The following FIG4 variants were observed in gnomAD, a reference collection of about 807,000 sequenced individuals.
The protein encoded by FIG4 is polyphosphoinositide phosphatase.
A neutral mutation model predicts 118.6 loss-of-function variants in FIG4; 112 were observed. That is an observed-to-expected ratio of 0.94 (90% CI 0.81 to 1.11). FIG4 has a LOEUF of 1.11. Ranked by LOEUF, FIG4 falls within the 50% of genes least tolerant of loss-of-function variation. The pLI is 0.00. For missense variants in FIG4, 969 were observed against 1,111.7 expected (o/e 0.87, Z 1.83); for synonymous variants, 369 against 381.2 (o/e 0.97, Z 0.37).
chr6:109,773,450 G>T (rs1777525271), intron 15 of FIG4, among the ~76,000 whole-genome samples: 1 of 152,078 alleles, frequency 6.6e-6, no homozygotes. Context: ...TTCTCTACTT[G>T]TTTTTTCTAC....
At chr6:109,692,529 A>G (rs954046651) in intron 1 of FIG4, among the ~76,000 whole-genome samples, 1 of 152,164 alleles carries the variant, frequency 6.6e-6, no homozygotes, top group Admixed American at 6.6e-5. Context: ...TTTTGCTGAC[A>G]ACTTTGATTA....
chr6:109,751,738 T>C (rs1376818403), intron 10 of FIG4, among the ~76,000 whole-genome samples: 1 of 151,998 alleles, frequency 6.6e-6, no homozygotes, highest in African/African-American at 2.4e-5. Flanking sequence ...GTATTTTGTA[T>C]TTCTGTGGGA....
intron 1 of FIG4, 88 bp downstream of exon 1, chr6:109,691,589 C>T (rs896832398): frequency 2.6e-6 from 3 of 1,140,928 alleles, no homozygotes; most frequent in East Asian, 2.6e-5. Flanking sequence ...TGTACTCTGC[C>T]TCCTCCTCCT....
intron 10 of FIG4, among the ~76,000 whole-genome samples, chr6:109,746,595 A>G (rs1776506563): frequency 6.6e-6 from 1 of 152,076 alleles, no homozygotes; most frequent in Admixed American, 6.6e-5. Context: ...TTGTTTTGAG[A>G]TGAGGCTAAA....
chr6:109,792,591 C>T lies in FIG4; in HGVS notation c.2386C>T (p.Gln796Ter), dbSNP rs1554309093. Reference protein sequence around the residue: ...DSAKVTENVVQPMKELYGINL... With the variant: ...DSAKVTENVV Reference sequence around the variant, plus strand: ...TTTTTTTAAACCCCAGAATGTGGTCCAACCCATGAAGGAGCTATATGGAAT... The same window carrying T: ...TTTTTTTAAACCCCAGAATGTGGTCTAACCCATGAAGGAGCTATATGGAAT... Residue 796 changes from glutamine (Q) to a stop codon, truncating the protein, a stop_gained, in exon 21 of 23, where the codon CAA becomes TAA. Coordinates refer to ENST00000230124, the MANE Select transcript of FIG4 (RefSeq NM_014845.6). LOFTEE classifies it high-confidence loss of function. 1.9e-6 allele frequency: 3 copies of T among 1,594,186 alleles called. No homozygotes were observed. The highest frequency in any genetic ancestry group is 2.6e-6 in the Non-Finnish European group (3 of 1,163,068).
rs189807182 is a variant in FIG4, at chr6:109,824,523, G to A, written c.2547-565G>A. On this transcript the variant is annotated intron_variant, in intron 22 of 22. Transcript: ENST00000230124. Reference sequence around the variant, plus strand: ...TCAGCTTTTAGGATTTCAGAATTGCGGTAAGAAATTCTGTACCTGTAATTA... The same window carrying A: ...TCAGCTTTTAGGATTTCAGAATTGCAGTAAGAAATTCTGTACCTGTAATTA... 3.9e-5 allele frequency among the ~76,000 whole-genome samples: 6 copies of A among 152,256 alleles called. No individual in the cohort carries two copies. The East Asian group carries it at 9.7e-4, about 24-fold the overall frequency.
At chr6:109,729,955 G>T (rs1041475819) in intron 4 of FIG4, among the ~76,000 whole-genome samples, 3 of 152,084 alleles carry the variant, frequency 2.0e-5, no homozygotes, top group Middle Eastern at 3.4e-3. Context: ...ATTATTAAAA[G>T]ATTTTTTAAA....
rs55675834 is a variant in FIG4 at position 109,720,712 on chromosome 6, T to G, written c.289+4144T>G. On this transcript the variant is annotated intron_variant, in intron 3 of 22. Coordinates refer to ENST00000230124, the MANE Select transcript of FIG4 (RefSeq NM_014845.6). ...AGTTTCTAAATCCTTCGTCTCAATT[T>G]GTTTACTTGTCTTTTCACGGGCCGG... Among the ~76,000 whole-genome samples, 741 of 152,368 alleles carry G rather than the reference T, an allele frequency of 4.9e-3. 12 individuals are homozygous for G. Among genetic ancestry groups the G allele is most frequent in the African/African-American group, 0.017 (714 of 41,588 alleles).
chr6:109,734,960 T>G (rs551386597), intron 5 of FIG4, among the ~76,000 whole-genome samples, 190 bp from the exon 6 acceptor site: 1 of 152,156 alleles, frequency 6.6e-6, no homozygotes, highest in Non-Finnish European at 1.5e-5. Context: ...AGTCATGCAG[T>G]GAGGTTTTTA....
chr6:109,794,320 G>A (rs568258901), intron 21 of FIG4, among the ~76,000 whole-genome samples: 2 of 152,264 alleles, frequency 1.3e-5, no homozygotes, highest in Admixed American at 6.5e-5. Context: ...TCTGGGTACC[G>A]TGGGATTTTA....
intron 1 of FIG4, among the ~76,000 whole-genome samples, chr6:109,703,421 G>A (rs554132544): frequency 6.6e-6 from 1 of 152,266 alleles, no homozygotes; most frequent in Admixed American, 6.5e-5. Flanking sequence ...GTTCTATTGT[G>A]TAAATTGGAT....
chr6:109,785,995 CATTT>C, intron 17 of FIG4: 1 of 367,736 alleles, frequency 2.7e-6, no homozygotes, highest in Non-Finnish European at 5.1e-6. Flanking sequence ...ACACAAAGGG[CATTT>C]ATTTAAGAGC....
intron 6 of FIG4, among the ~76,000 whole-genome samples, chr6:109,736,033 A>G (rs1477577441): frequency 6.6e-6 from 1 of 152,078 alleles, no homozygotes; most frequent in East Asian, 1.9e-4. Context: ...GGGTTGGTCT[A>G]GCACTGTAAA....
chr6:109,758,917 C>A (rs1209783149), intron 10 of FIG4, among the ~76,000 whole-genome samples: 2 of 152,204 alleles, frequency 1.3e-5, no homozygotes, highest in African/African-American at 2.4e-5. Context: ...CATCTCACGC[C>A]AGTTAGAATG....
intron 3 of FIG4, 132 bp downstream of exon 3, chr6:109,716,700 A>G: frequency 9.3e-7 from 1 of 1,079,868 alleles, no homozygotes; most frequent in Non-Finnish European, 1.4e-6. Context: ...GTTATTTAAA[A>G]CTTCATTATC....
chr6:109,825,005 T>C (rs1779116659), intron 22 of FIG4, 83 bp from the exon 23 acceptor site: 2 of 1,302,886 alleles, frequency 1.5e-6, no homozygotes, highest in Middle Eastern at 3.7e-4. Flanking sequence ...TGCCAGCGAC[T>C]CTCAAGTGCT....
At chr6:109,762,288 T>C in intron 12 of FIG4, 81 bp downstream of exon 12, 1 of 852,700 alleles carries the variant, frequency 1.2e-6, no homozygotes, top group Non-Finnish European at 2.0e-6. Context: ...TTTGTACTAC[T>C]TGGAAATTGG....
At chr6:109,814,432 G>A (rs954768255) in intron 22 of FIG4, among the ~76,000 whole-genome samples, 4 of 140,590 alleles carry the variant, frequency 2.8e-5, no homozygotes, top group Admixed American at 7.5e-5. Context: ...TTGAGCCACC[G>A]TGCCTGGCCT....
chr6:109,751,762 A>T lies in FIG4; in HGVS notation c.1137+7990A>T, dbSNP rs377509337. On this transcript the variant is annotated intron_variant, in intron 10 of 22. Transcript: ENST00000230124. ...ATTTCTGTGGGATCAGTGATGATCT[A>T]CCCTTTAACATTTTTTATTGTGTCT... Among the ~76,000 whole-genome samples the T allele has an allele frequency of 4.1e-5, 6 of 145,532 alleles. No individual in the cohort carries two copies. In the East Asian group the frequency reaches 8.1e-4, roughly 20 times the overall value.
Sources: allele counts gnomAD v4.1 joint callset (sites outside exome capture counted in the v4.1 genomes callset), GRCh38; gene constraint gnomAD v4.1.1; transcripts MANE v1.5; gene names NCBI Gene and HGNC (gene_info 2026-07-23, HGNC 2026-07-21).